The following ANO4 variants were observed in gnomAD, a reference collection of about 807,000 sequenced individuals.
ANO4 encodes the protein anoctamin 4, also known as anoctamin-4.
In ANO4, 69 loss-of-function variants were observed where a neutral mutation model predicts 141.9. That is an observed-to-expected ratio of 0.49 (90% CI 0.40 to 0.59). ANO4 has a LOEUF of 0.59. Ranked by LOEUF, ANO4 falls within the 20% of genes least tolerant of loss-of-function variation. ANO4 has a pLI of 0.00. For synonymous variants in ANO4, 350 were observed against 394.3 expected (o/e 0.89, Z 1.33); for missense variants, 894 against 1,162.2 (o/e 0.77, Z 3.36).
chr12:100,901,362 T>C (rs141165585), intron 1 of ANO4, among the ~76,000 whole-genome samples: 20 of 152,326 alleles, frequency 1.3e-4, no homozygotes, highest in African/African-American at 4.8e-4. Context: ...ACCCCAACAG[T>C]AGTTCCTAAG....
At chr12:100,971,487 A>G (rs2043933562) in intron 6 of ANO4, 81 bp downstream of exon 6, 2 of 1,037,758 alleles carry the variant, frequency 1.9e-6, no homozygotes, top group African/African-American at 1.6e-5. Flanking sequence ...AACAAATAAA[A>G]CTGAAATGCA....
chr12:100,746,074 G>A (rs1833560356), intron 3 of ANO4, among the ~76,000 whole-genome samples: 1 of 152,184 alleles, frequency 6.6e-6, no homozygotes, highest in African/African-American at 2.4e-5. Flanking sequence ...AGGGAGGTCA[G>A]CATAAGAAAT....
At chr12:100,918,916 C>G (rs933635446) in intron 2 of ANO4, among the ~76,000 whole-genome samples, 4 of 152,026 alleles carry the variant, frequency 2.6e-5, no homozygotes, top group Non-Finnish European at 4.4e-5. Flanking sequence ...GTTATTGCCC[C>G]TAAGACCTTC....
chr12:100,942,247 G>A, intron 4 of ANO4, 130 bp from the exon 5 acceptor site: 2 of 1,010,782 alleles, frequency 2.0e-6, no homozygotes, highest in Non-Finnish European at 1.4e-6. Context: ...CCAAAGTGCT[G>A]GGATTACAGG....
At chr12:100,839,494 T>G (rs1315129273) in intron 1 of ANO4, among the ~76,000 whole-genome samples, 1 of 152,188 alleles carries the variant, frequency 6.6e-6, no homozygotes, top group Non-Finnish European at 1.5e-5. Context: ...AAAAGCACAT[T>G]TTAATAAAGA....
At chr12:100,965,226 C>T (rs1272054430) in intron 5 of ANO4, among the ~76,000 whole-genome samples, 2 of 152,110 alleles carry the variant, frequency 1.3e-5, no homozygotes, top group African/African-American at 4.8e-5. Context: ...GTTCCCCAGG[C>T]CAAATAACCT....
intron 1 of ANO4, among the ~76,000 whole-genome samples, chr12:100,831,973 G>T (rs7305626): frequency 1.3e-5 from 2 of 152,052 alleles, no homozygotes; most frequent in African/African-American, 2.4e-5. Context: ...GTAGCGGGCT[G>T]GTACCGTCTT....
chr12:101,123,501 T>C (rs1418173423), intron 26 of ANO4, among the ~76,000 whole-genome samples: 1 of 139,074 alleles, frequency 7.2e-6, no homozygotes, highest in Non-Finnish European at 1.5e-5. Flanking sequence ...CCCCTTTGTG[T>C]GTTGTTTCCC....
intron 5 of ANO4, among the ~76,000 whole-genome samples, chr12:100,960,296 G>A (rs1171501597): frequency 6.6e-6 from 1 of 152,064 alleles, no homozygotes; most frequent in Non-Finnish European, 1.5e-5. Context: ...GTAGGTGAGG[G>A]TAGTTATATC....
chr12:101,034,842 GAATT>G (rs1469463858), intron 9 of ANO4, among the ~76,000 whole-genome samples: 3 of 152,058 alleles, frequency 2.0e-5, no homozygotes, highest in African/African-American at 7.2e-5. Flanking sequence ...TAAAAAATGA[GAATT>G]AAACACGATG....
intron 19 of ANO4, 117 bp downstream of exon 19, chr12:101,096,764 G>T: frequency 1.3e-6 from 1 of 751,360 alleles, no homozygotes; most frequent in Admixed American, 2.5e-5. Context: ...TGTAAAAAGG[G>T]AAGAGCATCC....
At chr12:100,819,410 G>C (rs1174898811) in intron 1 of ANO4, among the ~76,000 whole-genome samples, 1 of 151,896 alleles carries the variant, frequency 6.6e-6, no homozygotes, top group African/African-American at 2.4e-5. Context: ...CTGTAATTCA[G>C]TTGAAAACTA....
At chr12:100,901,582 G>A (rs767870031) in intron 1 of ANO4, 64 bp from the exon 2 acceptor site, 12 of 629,596 alleles carry the variant, frequency 1.9e-5, no homozygotes, top group South Asian at 5.7e-5. Flanking sequence ...ATATGAGAGC[G>A]TAACAGCCTT....
At chr12:100,870,952 T>C (rs1217855340) in intron 1 of ANO4, among the ~76,000 whole-genome samples, 1 of 152,218 alleles carries the variant, frequency 6.6e-6, no homozygotes, top group Non-Finnish European at 1.5e-5. Flanking sequence ...ATATACTTAT[T>C]CTCTGCCTTC....
At chr12:100,737,232 C>T (rs191260041) in intron 2 of ANO4, among the ~76,000 whole-genome samples, 1 of 152,272 alleles carries the variant, frequency 6.6e-6, no homozygotes, top group Non-Finnish European at 1.5e-5. Flanking sequence ...TGTGAAAGGC[C>T]TTCTCCCCTG....
Position 101,114,200 on chromosome 12 carries a change from C to T in ANO4, c.2451-2479C>T, listed in dbSNP as rs114818408. Among the ~76,000 whole-genome samples the T allele has an allele frequency of 3.7e-3, 559 of 152,324 alleles. 5 individuals are homozygous for T. Among genetic ancestry groups the T allele is most frequent in the African/African-American group, 0.013 (522 of 41,572 alleles). ...GGGTCAGTGAGTTGACACTTGCATG[C>T]CACTAGCTGAATTTTATACAGCAAA... On this transcript the variant is annotated intron_variant, in intron 24 of 27. Transcript: ENST00000392977.
At chr12:101,075,716 A>AAT (rs1555295210) in intron 14 of ANO4, among the ~76,000 whole-genome samples, 1 of 142,718 alleles carries the variant, frequency 7.0e-6, no homozygotes, top group Non-Finnish European at 1.6e-5. Flanking sequence ...ATATAAAACA[A>AAT]ATATATATAT....
intron 5 of ANO4, among the ~76,000 whole-genome samples, chr12:100,959,321 C>T (rs2043305505): frequency 6.6e-6 from 1 of 152,084 alleles, no homozygotes; most frequent in South Asian, 2.1e-4. Context: ...AATTGTCTTC[C>T]TCTATCTCTC....
At position 101,116,100 on chromosome 12, in the gene ANO4, G is replaced by T. The variant is rs192029844; in HGVS notation, c.2451-579G>T. Among the ~76,000 whole-genome samples the T allele has an allele frequency of 1.2e-4, 19 of 152,242 alleles. No individual in the cohort carries two copies. In the East Asian group the frequency reaches 3.1e-3, roughly 25 times the overall value. On this transcript the variant is annotated intron_variant, in intron 24 of 27. Transcript: ENST00000392977. Reference sequence around the variant, plus strand: ...ATTAGGTTGTCTTCCTAGTAGGAGTGGTGTTTCAGTTGGCCGCTGAAGGAT... The same window carrying T: ...ATTAGGTTGTCTTCCTAGTAGGAGTTGTGTTTCAGTTGGCCGCTGAAGGAT...
Sources: gnomAD v4.1 joint callset for allele counts (sites outside exome capture counted in the v4.1 genomes callset) on GRCh38, gnomAD v4.1.1 for gene constraint, MANE v1.5 for transcripts, NCBI Gene and HGNC (gene_info 2026-07-23, HGNC 2026-07-21) for gene names.